Variants in WHRN observed in about 807,000 individuals in gnomAD.
WHRN encodes the protein whirlin, also known as CASK-interacting protein CIP98.
A neutral mutation model predicts 68.3 loss-of-function variants in WHRN; 41 were observed. The observed-to-expected ratio is 0.60, with a 90% CI of 0.47 to 0.78. WHRN has a LOEUF of 0.78. WHRN is among the 30% of genes least tolerant of loss of function. The pLI, the probability that WHRN is intolerant of heterozygous loss-of-function variation, is 0.00. For synonymous variants in WHRN, 560 were observed against 561.3 expected (o/e 1.00, Z 0.03); for missense variants, 1,243 against 1,244.7 (o/e 1.00, Z 0.02).
chr9:114,402,734 A>T lies in WHRN; in HGVS notation c.*20T>A. The T allele has an allele frequency of 6.2e-7, 1 of 1,613,440 alleles. No homozygotes were observed. Among genetic ancestry groups the T allele is most frequent in the Admixed American group, 1.7e-5 (1 of 60,020 alleles). ...GGACCAGGGGCTGGGCAGTGGTGGG[A>T]GGCCCTCAGGCCTTGGCCTCTAGAG... On this transcript the variant is annotated 3_prime_UTR_variant, in exon 12 of 12. Transcript: ENST00000362057.
At chr9:114,405,996 A>G (rs1834996597) in intron 9 of WHRN, among the ~76,000 whole-genome samples, 1 of 152,248 alleles carries the variant, frequency 6.6e-6, no homozygotes, top group Non-Finnish European at 1.5e-5. Flanking sequence ...CATGGCGGAC[A>G]GGAAGGGAAG....
At chr9:114,467,158 G>A (rs998242329) in intron 2 of WHRN, among the ~76,000 whole-genome samples, 2 of 151,688 alleles carry the variant, frequency 1.3e-5, no homozygotes, top group African/African-American at 4.8e-5. Flanking sequence ...CTATCACCTG[G>A]GGGGGTCTAT....
In WHRN at chr9:114,412,629, C is replaced by T. The variant is rs1835529355; in HGVS notation, c.1627-4611G>A. ...GCCAAGATGACCTGCTGTCATTGTT[C>T]TTCCACCTCCTTCCTCAAACCTGTG... On this transcript the variant is annotated intron_variant, in intron 7 of 11. Coordinates refer to ENST00000362057, the MANE Select transcript of WHRN (RefSeq NM_015404.4). 2.0e-5 allele frequency among the ~76,000 whole-genome samples: 3 copies of T among 152,268 alleles called. No individual in the cohort carries two copies. The South Asian group carries it at 6.2e-4, about 31-fold the overall frequency.
rs536087849 is a variant in WHRN at position 114,444,558 on chromosome 9, G to A, written c.964-18145C>T. Among the ~76,000 whole-genome samples, 21 of 151,842 alleles carry A rather than the reference G, an allele frequency of 1.4e-4. No homozygotes were observed. In the South Asian group the frequency reaches 3.3e-3, roughly 24 times the overall value. On this transcript the variant is annotated intron_variant, in intron 3 of 11. Transcript: ENST00000362057. The stretch of plus-strand genomic sequence containing the variant: ...TACAAACTGTAAAAATCTCCCCTCC[G>A]AAACCCCCTTCTCTTAAAAACGCAT...
chr9:114,479,384 T>C (rs2133144883), intron 1 of WHRN, among the ~76,000 whole-genome samples: 1 of 152,324 alleles, frequency 6.6e-6, no homozygotes, highest in East Asian at 1.9e-4. Context: ...AGCCTGTGCC[T>C]GGTCTCCTCT....
intron 3 of WHRN, among the ~76,000 whole-genome samples, chr9:114,442,092 T>C (rs989967400): frequency 6.6e-6 from 1 of 152,168 alleles, no homozygotes; most frequent in African/African-American, 2.4e-5. Flanking sequence ...TACAAAATAA[T>C]GAGCCAGAAT....
Position 114,504,210 on chromosome 9 carries a change from G to A in WHRN, c.592C>T (p.Arg198Trp), listed in dbSNP as rs377053825. The A allele has an allele frequency of 7.4e-6, 12 of 1,614,014 alleles. No homozygotes were observed. The highest frequency in any genetic ancestry group is 5.3e-5 in the African/African-American group (4 of 74,918). The change falls in exon 1 of 12, where the codon CGG becomes TGG. Residue 198 changes from arginine to tryptophan, a missense_variant. Transcript: ENST00000362057. The stretch of plus-strand genomic sequence containing the variant: ...TTGACGGCCTCCGCGTGGGTCACCC[G>A]GGCCAGGGATTTGTCGTTGACGCGC... ...ILRVNDKSLA[R>W]VTHAEAVKAL... is the part of the protein sequence containing the mutation.
At chr9:114,504,060 A>C (rs75469999) in intron 1 of WHRN, 124 bp downstream of exon 1, 157 of 951,718 alleles carry the variant, frequency 1.6e-4, no homozygotes, top group South Asian at 8.9e-4. Context: ...AAAGTATTAA[A>C]AAAAAAAAAA....
At position 114,462,926 on chromosome 9, in the gene WHRN, A is replaced by C. The variant is rs535535340; in HGVS notation, c.963+3341T>G. Among the ~76,000 whole-genome samples, 3 of 152,348 alleles carry C rather than the reference A, an allele frequency of 2.0e-5. No homozygotes were observed. The East Asian group carries it at 5.8e-4, about 29-fold the overall frequency. Reference sequence around the variant, plus strand: ...AGACACTACTCATCAGTAATCAGAGAGAGAGGGCGAGATGCTCAGTGCTCG... The same window carrying C: ...AGACACTACTCATCAGTAATCAGAGCGAGAGGGCGAGATGCTCAGTGCTCG... On this transcript the variant is annotated intron_variant, in intron 3 of 11. Transcript: ENST00000362057.
At chr9:114,482,421 G>A (rs1193038188) in intron 1 of WHRN, among the ~76,000 whole-genome samples, 4 of 152,212 alleles carry the variant, frequency 2.6e-5, no homozygotes, top group South Asian at 4.1e-4. Flanking sequence ...CAGTCGCACT[G>A]GTGGGATTCC....
rs532011700 is a variant in WHRN at position 114,454,782 on chromosome 9, T to A, written c.963+11485A>T. Reference sequence around the variant, plus strand: ...AAAACAATTCTGAAATAAGAACAAATTGGAGGACTCTGTACCCAACTTCCA... The same window carrying A: ...AAAACAATTCTGAAATAAGAACAAAATGGAGGACTCTGTACCCAACTTCCA... On this transcript the variant is annotated intron_variant, in intron 3 of 11. Coordinates refer to ENST00000362057, the MANE Select transcript of WHRN (RefSeq NM_015404.4). Among the ~76,000 whole-genome samples the A allele has an allele frequency of 2.6e-5, 4 of 152,060 alleles. No individual in the cohort carries two copies. In the South Asian group the frequency reaches 6.2e-4, roughly 24 times the overall value.
At chr9:114,490,741 G>A (rs1842908141) in intron 1 of WHRN, among the ~76,000 whole-genome samples, 2 of 152,052 alleles carry the variant, frequency 1.3e-5, no homozygotes, top group African/African-American at 4.8e-5. Context: ...AAGGCTGTGT[G>A]AAAAGAAAAA....
At chr9:114,483,747 G>T (rs1409228446) in intron 1 of WHRN, among the ~76,000 whole-genome samples, 1 of 152,206 alleles carries the variant, frequency 6.6e-6, no homozygotes, top group Non-Finnish European at 1.5e-5. Context: ...GCTAGGTCTT[G>T]GTTTTGCCCT....
intron 3 of WHRN, among the ~76,000 whole-genome samples, chr9:114,461,520 T>C (rs945475601): frequency 1.3e-5 from 2 of 152,200 alleles, no homozygotes. Context: ...GCATTACATC[T>C]CCCGTGCAAT....
chr9:114,467,784 T>C (rs1387187513), intron 2 of WHRN, among the ~76,000 whole-genome samples: 1 of 151,996 alleles, frequency 6.6e-6, no homozygotes, highest in East Asian at 1.9e-4. Context: ...GGGACCAGAA[T>C]AGCTGAAACC....
intron 1 of WHRN, among the ~76,000 whole-genome samples, chr9:114,494,044 CCTGA>C (rs745722448): frequency 3.9e-5 from 6 of 152,204 alleles, no homozygotes; most frequent in Non-Finnish European, 5.9e-5. Flanking sequence ...ACTGTGTGCC[CCTGA>C]CTGTGTGCCC....
intron 7 of WHRN, among the ~76,000 whole-genome samples, chr9:114,416,983 C>G (rs1835864372): frequency 6.6e-6 from 1 of 152,232 alleles, no homozygotes; most frequent in Non-Finnish European, 1.5e-5. Context: ...AGCCCCTCTG[C>G]CACAGGCATG....
At chr9:114,458,322 T>C (rs1839976751) in intron 3 of WHRN, among the ~76,000 whole-genome samples, 1 of 152,188 alleles carries the variant, frequency 6.6e-6, no homozygotes, top group African/African-American at 2.4e-5. Flanking sequence ...CTCTAATTTA[T>C]AAGATTTTGA....
At chr9:114,479,275 A>G (rs4979411) in intron 1 of WHRN, among the ~76,000 whole-genome samples, 6,034 of 152,274 alleles carry the variant, frequency 0.04, 306 homozygotes, top group African/African-American at 0.1. Context: ...GTGCTCTCTA[A>G]TGAGCTCCCC....
Sources: gnomAD v4.1 joint callset for allele counts (sites outside exome capture counted in the v4.1 genomes callset) on GRCh38, gnomAD v4.1.1 for gene constraint, MANE v1.5 for transcripts, NCBI Gene and HGNC (gene_info 2026-07-23, HGNC 2026-07-21) for gene names.